Variants in CLTCL1 observed in about 807,000 individuals in gnomAD.
The protein encoded by CLTCL1 is clathrin heavy chain 2.
Under a neutral mutation model 190.0 loss-of-function variants are expected in CLTCL1, and 159 were observed. That is an observed-to-expected ratio of 0.84 (90% CI 0.74 to 0.95). The LOEUF is 0.95. Ranked by LOEUF, CLTCL1 falls within the 40% of genes least tolerant of loss-of-function variation. CLTCL1 has a pLI of 0.00. For synonymous variants in CLTCL1, 752 were observed against 769.6 expected (o/e 0.98, Z 0.38); for missense variants, 1,878 against 2,033.4 (o/e 0.92, Z 1.47).
At chr22:19,236,320 T>C (rs1555962209) in intron 5 of CLTCL1, among the ~76,000 whole-genome samples, 1 of 152,232 alleles carries the variant, frequency 6.6e-6, no homozygotes. Context: ...TTTCACAGTT[T>C]ATCGAACCCC....
intron 14 of CLTCL1, 66 bp from the exon 15 acceptor site, chr22:19,222,875 A>G: frequency 6.5e-7 from 1 of 1,543,096 alleles, no homozygotes; most frequent in Non-Finnish European, 8.7e-7. Context: ...CCTCGGACTC[A>G]TTGCACACAT....
intron 1 of CLTCL1, among the ~76,000 whole-genome samples, chr22:19,285,139 G>A (rs1403086374): frequency 1.3e-5 from 2 of 151,864 alleles, no homozygotes; most frequent in South Asian, 2.1e-4. Context: ...GCTGGACGTG[G>A]TGGTGGGTGC....
chr22:19,242,383 A>T (rs1555965808), intron 4 of CLTCL1, among the ~76,000 whole-genome samples: 1 of 151,486 alleles, frequency 6.6e-6, no homozygotes. Context: ...TCTGCCTTGC[A>T]GGTCCCAGTT....
At chr22:19,261,870 A>G (rs2146177727) in intron 2 of CLTCL1, among the ~76,000 whole-genome samples, 1 of 152,348 alleles carries the variant, frequency 6.6e-6, no homozygotes, top group African/African-American at 2.4e-5. Flanking sequence ...ATAAAGCAGC[A>G]CCAGAGTCTG....
intron 9 of CLTCL1, 61 bp downstream of exon 9, chr22:19,233,105 C>T: frequency 6.5e-7 from 1 of 1,547,232 alleles, no homozygotes; most frequent in Non-Finnish European, 8.8e-7. Context: ...ACTTTAAAAT[C>T]AGCAACCACT....
chr22:19,286,767 G>C (rs2087922505), intron 1 of CLTCL1, among the ~76,000 whole-genome samples: 1 of 152,158 alleles, frequency 6.6e-6, no homozygotes, highest in Non-Finnish European at 1.5e-5. Context: ...ACCTGGGAAG[G>C]AATACCAAAG....
intron 1 of CLTCL1, among the ~76,000 whole-genome samples, chr22:19,283,536 C>A (rs1555988320): frequency 1.3e-5 from 2 of 152,172 alleles, no homozygotes; most frequent in African/African-American, 4.8e-5. Flanking sequence ...TTTCCTCGGC[C>A]TCCCAAAGTG....
chr22:19,203,246 C>CAGAG (rs2084952168), intron 22 of CLTCL1, among the ~76,000 whole-genome samples: 1 of 152,126 alleles, frequency 6.6e-6, no homozygotes, highest in African/African-American at 2.4e-5. Context: ...ACCTGGGAGG[C>CAGAG]AGAGGTTGCA....
chr22:19,200,629 A>T (rs1319544933), intron 23 of CLTCL1, among the ~76,000 whole-genome samples: 1 of 152,198 alleles, frequency 6.6e-6, no homozygotes, highest in Non-Finnish European at 1.5e-5. Context: ...TCATGAGGTC[A>T]GGAGATAGAG....
At chr22:19,230,097 G>GTT (rs374875733) in intron 10 of CLTCL1, 122 bp from the exon 11 acceptor site, 31,554 of 555,746 alleles carry the variant, frequency 0.057, 1,873 homozygotes, top group Non-Finnish European at 0.063. Context: ...TCCCTCCCTT[G>GTT]GTTTTTTTTT....
chr22:19,252,811 A>C (rs532342317), intron 3 of CLTCL1, among the ~76,000 whole-genome samples: 1 of 152,120 alleles, frequency 6.6e-6, no homozygotes, highest in African/African-American at 2.4e-5. Context: ...TCAGGAGATC[A>C]AGGCCATCCT....
chr22:19,283,758 G>A (rs538845305), intron 1 of CLTCL1, among the ~76,000 whole-genome samples: 63 of 152,078 alleles, frequency 4.1e-4, no homozygotes, highest in African/African-American at 1.4e-3. Context: ...TTGGGAGGCC[G>A]AGGCGGGTAG....
rs1366111875 is a variant in CLTCL1, at chr22:19,291,652, G to A, written c.-11C>T. ...GAGGATCTGCGCCATGGCTGGTGCG[G>A]GACCTCGGCGGCGGCGGCGGCAGCG... On this transcript the variant is annotated 5_prime_UTR_variant, in exon 1 of 33. Transcript: ENST00000427926. 3.6e-6 allele frequency: 5 copies of A among 1,377,922 alleles called. No individual in the cohort carries two copies. Among genetic ancestry groups the A allele is most frequent in the African/African-American group, 3.0e-5 (2 of 65,782 alleles). 85.4% of individuals were successfully genotyped at this position (1,377,922 alleles called of 1,614,324 possible).
In CLTCL1 at chr22:19,243,583, C is replaced by T. The variant is rs150488483; in HGVS notation, c.520-647G>A. Among the ~76,000 whole-genome samples, 1,436 of 152,110 alleles carry T rather than the reference C, an allele frequency of 9.4e-3. 34 individuals carry two copies. Among genetic ancestry groups the T allele is most frequent in the East Asian group, 0.068 (353 of 5,168 alleles). ...GCAGTGAGCTATGACTGCAGCACTG[C>T]ACTGCAGCCTGGGTGGCAGAGCAAG... On this transcript the variant is annotated intron_variant, in intron 3 of 32. Transcript: ENST00000427926.
intron 26 of CLTCL1, among the ~76,000 whole-genome samples, chr22:19,191,692 T>C (rs1555932332): frequency 6.6e-6 from 1 of 152,240 alleles, no homozygotes; most frequent in African/African-American, 2.4e-5. Context: ...CAGTATCTGA[T>C]GCAGGGTCCA....
intron 2 of CLTCL1, among the ~76,000 whole-genome samples, chr22:19,259,323 C>G (rs1296626512): frequency 6.6e-6 from 1 of 152,114 alleles, no homozygotes; most frequent in Non-Finnish European, 1.5e-5. Context: ...CCAGGCTGGT[C>G]TCGAACTCCT....
chr22:19,225,403 A>G, intron 13 of CLTCL1, 50 bp downstream of exon 13: 1 of 1,491,098 alleles, frequency 6.7e-7, no homozygotes, highest in Non-Finnish European at 9.0e-7. Flanking sequence ...AACACCTGAG[A>G]AAGGAGGTGT....
rs201627410 is a variant in CLTCL1, at chr22:19,239,223, G to A, written c.795+52C>T. The A allele has an allele frequency of 8.0e-4, 1,107 of 1,382,998 alleles. 3 individuals carry two copies. The highest frequency in any genetic ancestry group is 1.1e-3 in the Non-Finnish European group (1,027 of 969,474). 85.7% of individuals were successfully genotyped at this position (1,382,998 alleles called of 1,614,324 possible). A position where few individuals can be genotyped will look rare whatever the true frequency, so the allele number is the denominator to read the frequency against. ...GGCAGCCTCCTGTATCTTGGGAGGT[G>A]CTAGAGTAGATTTTAGGACATGAAG... On this transcript the variant is annotated intron_variant, in intron 5 of 32. Coordinates refer to ENST00000427926, the MANE Select transcript of CLTCL1 (RefSeq NM_007098.4).
chr22:19,215,017 G>A (rs570568165), intron 19 of CLTCL1, among the ~76,000 whole-genome samples: 4 of 152,210 alleles, frequency 2.6e-5, no homozygotes, highest in Non-Finnish European at 5.9e-5. Flanking sequence ...AGAAGAGCAC[G>A]AACTTGAGGT....
Sources: allele counts gnomAD v4.1 joint callset (sites outside exome capture counted in the v4.1 genomes callset), GRCh38; gene constraint gnomAD v4.1.1; transcripts MANE v1.5; gene names NCBI Gene and HGNC (gene_info 2026-07-23, HGNC 2026-07-21).